The following P4HTM variants were observed in gnomAD, a reference collection of about 807,000 sequenced individuals.
P4HTM encodes transmembrane prolyl 4-hydroxylase.
P4HTM carries 33 observed loss-of-function variants against 55.3 expected under a neutral mutation model. The ratio of observed to expected loss-of-function variants is 0.60; its 90% confidence interval spans 0.45 to 0.80. The LOEUF is 0.80. Among genes scored for constraint, P4HTM ranks in the 30% least tolerant of loss-of-function variants. The pLI, the probability that P4HTM is intolerant of heterozygous loss-of-function variation, is 0.00. For missense variants in P4HTM, 542 were observed against 696.5 expected (o/e 0.78, Z 2.50); for synonymous variants, 272 against 286.4 (o/e 0.95, Z 0.51).
chr3:49,005,391 T>A (rs2092974392), intron 6 of P4HTM: 1 of 1,407,954 alleles, frequency 7.1e-7, no homozygotes. Context: ...AAGCTGAAGC[T>A]GTGCCTCCCT....
At chr3:48,997,237 G>A (rs2092948593) in intron 2 of P4HTM, 1 of 152,266 alleles carries the variant, frequency 6.6e-6, no homozygotes, top group Non-Finnish European at 1.5e-5. Flanking sequence ...GCACTGGTGA[G>A]GGTGCCAATG....
intron 2 of P4HTM, among the ~76,000 whole-genome samples, chr3:48,996,825 A>G (rs939705911): frequency 6.6e-6 from 1 of 152,200 alleles, no homozygotes; most frequent in Non-Finnish European, 1.5e-5. Flanking sequence ...AGGTGAGCAT[A>G]GCCCAAGGCT....
At chr3:48,992,851 G>A (rs901642164) in intron 2 of P4HTM, among the ~76,000 whole-genome samples, 7 of 150,994 alleles carry the variant, frequency 4.6e-5, no homozygotes, top group Non-Finnish European at 7.4e-5. Context: ...ATTTTTAGTA[G>A]AGACGGGCTT....
chr3:49,004,234 C>A lies in P4HTM; in HGVS notation c.861C>A (p.His287Gln), dbSNP rs1160542142. The change falls in exon 5 of 9, where the codon CAC (histidine) becomes CAA (glutamine). Residue 287 changes from histidine to glutamine, a missense_variant. His to Gln is a conservative substitution (Grantham distance 24, BLOSUM62 0). Coordinates refer to ENST00000383729, the MANE Select transcript of P4HTM (RefSeq NM_177939.3). ...HTWLYQGEGA[H>Q]HIMRAIRQRV... ...GGCTCTACCAGGGTGAGGGTGCCCA[C>A]CACATCATGCGTGCCATCCGCCAGA... is the stretch of plus-strand genomic sequence containing the variant. The A allele has an allele frequency of 1.9e-6, 3 of 1,548,702 alleles. No homozygotes were observed. In the Admixed American group the frequency reaches 5.9e-5, roughly 30 times the overall value.
chr3:48,999,402 A>G lies in P4HTM; in HGVS notation c.437-2036A>G, dbSNP rs1051582209. The G allele has an allele frequency of 6.1e-6, 1 of 164,460 alleles. No individual in the cohort carries two copies. The highest frequency in any genetic ancestry group is 2.4e-5 in the African/African-American group (1 of 41,470). The allele number at this position is 164,460 out of a possible 1,614,324, so 10.2% of individuals were successfully genotyped here. A position where few individuals can be genotyped will look rare whatever the true frequency, so the allele number is the denominator to read the frequency against. On this transcript the variant is annotated intron_variant, in intron 2 of 8. Transcript: ENST00000383729. The surrounding 1 kb of genome is among the most constrained non-coding windows in gnomAD (Gnocchi z 4.8). ...TTGGGCAGACGCATCTGTGTAGCCA[A>G]TGTCGTGGCATAGGGCCATGGCTTG...
chr3:49,006,053 G>T lies in P4HTM; in HGVS notation c.1165-11G>T, dbSNP rs2092979042. On this transcript the variant is annotated splice_polypyrimidine_tract_variant and intron_variant, in intron 7 of 8. Coordinates refer to ENST00000383729, the MANE Select transcript of P4HTM (RefSeq NM_177939.3). Reference sequence around the variant, plus strand: ...GACAGGTTGAACACCCCACCACCCTGCTGCCCACAGAGTCTGATTCAGGAT... The same window carrying T: ...GACAGGTTGAACACCCCACCACCCTTCTGCCCACAGAGTCTGATTCAGGAT... The T allele has an allele frequency of 6.2e-7, 1 of 1,609,608 alleles. No homozygotes were observed. The highest frequency in any genetic ancestry group is 8.5e-7 in the Non-Finnish European group (1 of 1,177,244).
At chr3:49,005,895 G>T in intron 7 of P4HTM, 28 bp downstream of exon 7, 1 of 1,533,072 alleles carries the variant, frequency 6.5e-7, no homozygotes, top group Non-Finnish European at 8.8e-7. Context: ...TATTACTCTT[G>T]TGGGCTGGCA....
At chr3:49,004,812 A>G (rs1184177553) in intron 5 of P4HTM, 49 bp from the exon 6 acceptor site, 1 of 1,563,204 alleles carries the variant, frequency 6.4e-7, no homozygotes, top group African/African-American at 1.3e-5. Context: ...GCTCCTTCAG[A>G]TCACCACCTT....
rs2092983932 is a variant in P4HTM at position 49,006,710 on chromosome 3, T to C, written c.1312T>C (p.Tyr438His). 2 of 1,613,558 alleles carry C rather than the reference T, an allele frequency of 1.2e-6. No individual in the cohort carries two copies. Among genetic ancestry groups the C allele is most frequent in the South Asian group, 2.2e-5 (2 of 91,094 alleles). The change falls in exon 9 of 9, where the codon TAC becomes CAC. Residue 438 changes from tyrosine to histidine, a missense_variant. This residue lies in a region of P4HTM where 536 missense variants were observed against 672.1 expected (regional missense o/e 0.80). Coordinates refer to ENST00000383729, the MANE Select transcript of P4HTM (RefSeq NM_177939.3). The stretch of plus-strand genomic sequence containing the variant: ...AGGTTGGGTGGGTGACGTAGACGAC[T>C]ACTCGCTGCACGGGGGCTGCCTGGT... ...GQGWVGDVDD[Y>H]SLHGGCLVTR... is the part of the protein sequence containing the mutation.
intron 2 of P4HTM, chr3:48,996,464 T>A (rs1250988851): frequency 1.3e-5 from 2 of 152,194 alleles, no homozygotes; most frequent in Non-Finnish European, 2.9e-5. Flanking sequence ...TGGGTTCAAG[T>A]GATTCTCCTG....
At chr3:49,005,224 G>A (rs2092973373) in intron 6 of P4HTM, 178 bp downstream of exon 6, 1 of 1,548,348 alleles carries the variant, frequency 6.5e-7, no homozygotes, top group South Asian at 1.2e-5. Flanking sequence ...GGCTGGAAAG[G>A]GGTGGCTACT....
At chr3:49,001,754 C>G in intron 3 of P4HTM, 126 bp downstream of exon 3, 2 of 790,534 alleles carry the variant, frequency 2.5e-6, no homozygotes, top group Admixed American at 5.1e-5. Context: ...CCTGCCTGGG[C>G]ATGCCCAGAC....
rs762047321 is a variant in P4HTM, at chr3:48,990,841, C to G, written c.363C>G (p.His121Gln). Residue 121 changes from histidine (H) to glutamine (Q), a missense_variant, in exon 2 of 9, where the codon CAC (histidine) becomes CAG (glutamine). Around this residue, in one of 2 missense-constraint regions of P4HTM, gnomAD observed 536 missense variants for 672.1 expected, o/e 0.80. Coordinates refer to ENST00000383729, the MANE Select transcript of P4HTM (RefSeq NM_177939.3). The surrounding 1 kb of genome is among the most constrained non-coding windows in gnomAD (Gnocchi z 7.2). ...LTRLEGIKVG[H>Q]ERKVQLVTDR... ...GTGCGCCTTTTCCTTAGGTGGGGCACGAGCGTAAGGTCCAGCTGGTCACCG... is the reference window on the plus strand; with the variant it reads ...GTGCGCCTTTTCCTTAGGTGGGGCAGGAGCGTAAGGTCCAGCTGGTCACCG... 2 of 1,613,688 alleles carry G rather than the reference C, an allele frequency of 1.2e-6. No individual in the cohort carries two copies. Among genetic ancestry groups the G allele is most frequent in the Non-Finnish European group, 1.7e-6 (2 of 1,179,792 alleles).
chr3:48,993,659 C>T (rs1296976121), intron 2 of P4HTM, among the ~76,000 whole-genome samples: 2 of 151,708 alleles, frequency 1.3e-5, no homozygotes, highest in South Asian at 2.1e-4. Flanking sequence ...GTCAGGAGTT[C>T]GAAACCAGCC....
chr3:48,990,234 GGC>G (rs893655912), upstream of P4HTM: 20 of 1,178,104 alleles, frequency 1.7e-5, no homozygotes, highest in South Asian at 4.3e-5. The surrounding 1 kb of genome is among the most constrained non-coding windows in gnomAD (Gnocchi z 7.2). Context: ...CCCTCCCCTG[GGC>G]GCGCGCGCGA....
In P4HTM at chr3:48,990,924, C is replaced by A; in HGVS notation, c.436+10C>A. 6.2e-7 allele frequency: 1 copy of A among 1,610,520 alleles called. No individual in the cohort carries two copies. The highest frequency in any genetic ancestry group is 8.5e-7 in the Non-Finnish European group (1 of 1,177,062). On this transcript the variant is annotated intron_variant, in intron 2 of 8. Coordinates refer to ENST00000383729, the MANE Select transcript of P4HTM (RefSeq NM_177939.3). This position sits in a 1 kb window ranked among gnomAD's most constrained non-coding sequence, Gnocchi z 7.2. ...AAGCCGCTGCTCTTCGGTAAGTCCG[C>A]CAGATACTCCTGGGAAGGGCCAGGG... is the stretch of plus-strand genomic sequence containing the variant.
Position 49,004,960 on chromosome 3 carries a change from G to A in P4HTM, c.987G>A (p.Val329=). 1.2e-6 allele frequency: 2 copies of A among 1,613,938 alleles called. No individual in the cohort carries two copies. The highest frequency in any genetic ancestry group is 1.7e-6 in the Non-Finnish European group (2 of 1,179,946). The change falls in exon 6 of 9, where the codon GTG becomes GTA. Residue 329 remains valine, a synonymous_variant. Coordinates refer to ENST00000383729, the MANE Select transcript of P4HTM (RefSeq NM_177939.3). ...AGGGGGGCCACTACCATGCCCACGTGGACAGTGGGCCTGTGTACCCAGAGA... is the reference window on the plus strand; with the variant it reads ...AGGGGGGCCACTACCATGCCCACGTAGACAGTGGGCCTGTGTACCCAGAGA... ...YGEGGHYHAH[V]DSGPVYPETI... is the part of the protein sequence containing the mutation.
chr3:49,007,007 A>G lies in P4HTM; in HGVS notation c.*100A>G. Reference sequence around the variant, plus strand: ...CTGCTGCAGACTAAAGGTCTGGCCAATGTCTTGCCCCACCCCGCCAGCCGC... The same window carrying G: ...CTGCTGCAGACTAAAGGTCTGGCCAGTGTCTTGCCCCACCCCGCCAGCCGC... On this transcript the variant is annotated 3_prime_UTR_variant, in exon 9 of 9. Transcript: ENST00000383729. The surrounding 1 kb of genome is among the most constrained non-coding windows in gnomAD (Gnocchi z 5.1). 2 of 1,005,600 alleles carry G rather than the reference A, an allele frequency of 2.0e-6. No homozygotes were observed. Among genetic ancestry groups the G allele is most frequent in the Non-Finnish European group, 2.9e-6 (2 of 679,486 alleles). The allele number at this position is 1,005,600 out of a possible 1,614,324, so 62.3% of individuals were successfully genotyped here.
Position 49,006,715 on chromosome 3 carries a change from G to C in P4HTM, c.1317G>C (p.Ser439=). 6.2e-7 allele frequency: 1 copy of C among 1,613,682 alleles called. No homozygotes were observed. Among genetic ancestry groups the C allele is most frequent in the Non-Finnish European group, 8.5e-7 (1 of 1,180,048 alleles). Residue 439 remains serine (S), a synonymous_variant, in exon 9 of 9, where the codon TCG becomes TCC. Transcript: ENST00000383729. ...GGGTGGGTGACGTAGACGACTACTC[G>C]CTGCACGGGGGCTGCCTGGTCACGC... ...QGWVGDVDDY[S]LHGGCLVTRG... is the part of the protein sequence containing the mutation.
Sources: gnomAD v4.1 joint callset for allele counts (sites outside exome capture counted in the v4.1 genomes callset) on GRCh38, gnomAD v4.1.1 for gene constraint, gnomAD v4.1.1 regional missense constraint, Gnocchi (gnomAD v3.1) non-coding constraint, MANE v1.5 for transcripts, NCBI Gene and HGNC (gene_info 2026-07-23, HGNC 2026-07-21) for gene names.